The following GAREM1 variants were observed in gnomAD, a reference collection of about 807,000 sequenced individuals.
The protein encoded by GAREM1 is GRB2 associated regulator of MAPK1 subtype 1.
In GAREM1, 26 loss-of-function variants were observed where a neutral mutation model predicts 71.3. That is an observed-to-expected ratio of 0.36 (90% CI 0.27 to 0.51). GAREM1 has a LOEUF of 0.51. Among genes scored for constraint, GAREM1 ranks in the 20% least tolerant of loss-of-function variants. The probability of loss-of-function intolerance (pLI) is 0.95; values close to 1 mark genes in which losing one functional copy is unlikely to be tolerated. For missense variants in GAREM1, 1,026 were observed against 1,103.1 expected (o/e 0.93, Z 0.99); for synonymous variants, 440 against 433.2 (o/e 1.02, Z -0.20).
chr18:32,431,850 A>T (rs1328517000), intron 1 of GAREM1, among the ~76,000 whole-genome samples: 1 of 152,144 alleles, frequency 6.6e-6, no homozygotes, highest in Admixed American at 6.5e-5. Context: ...AATGGGATTC[A>T]ATTGACTGTT....
chr18:32,355,625 T>C (rs889968562), intron 2 of GAREM1, among the ~76,000 whole-genome samples: 1 of 152,194 alleles, frequency 6.6e-6, no homozygotes, highest in Non-Finnish European at 1.5e-5. Context: ...AAATTACCAA[T>C]TTCAGTCTGC....
At chr18:32,269,536 A>C (rs993449847) in intron 5 of GAREM1, among the ~76,000 whole-genome samples, 2 of 152,238 alleles carry the variant, frequency 1.3e-5, no homozygotes, top group Admixed American at 6.5e-5. Flanking sequence ...GAAGACTTCT[A>C]TCATAGCTGA....
Position 32,446,223 on chromosome 18 carries a change from A to AGTGTGT in GAREM1, c.121+24079_121+24084dup, listed in dbSNP as rs10587223. Among the ~76,000 whole-genome samples the AGTGTGT allele has an allele frequency of 4.6e-3, 657 of 143,420 alleles. 5 individuals carry two copies. Among genetic ancestry groups the AGTGTGT allele is most frequent in the African/African-American group, 0.014 (542 of 38,600 alleles). 94.1% of individuals were successfully genotyped at this position (143,420 alleles called of 152,430 possible). On this transcript the variant is annotated intron_variant, in intron 1 of 5. Coordinates refer to ENST00000269209, the MANE Select transcript of GAREM1 (RefSeq NM_001242409.2). ...ATTTCTCAGACTGTAAGTTCCCCAT[A>AGTGTGT]GTGTGTGTGTGTGTGTGTGTGTGTG...
intron 1 of GAREM1, among the ~76,000 whole-genome samples, chr18:32,450,609 A>G (rs1228641739): frequency 1.3e-5 from 2 of 152,212 alleles, no homozygotes; most frequent in Admixed American, 1.3e-4. Context: ...TCAAGATGCA[A>G]GCCCAGATTT....
At chr18:32,391,521 T>C (rs889857003) in intron 2 of GAREM1, among the ~76,000 whole-genome samples, 1 of 152,154 alleles carries the variant, frequency 6.6e-6, no homozygotes, top group South Asian at 2.1e-4. Context: ...GGTAAAAGTA[T>C]ATAGGATGAA....
chr18:32,416,858 A>G (rs2048471030), intron 1 of GAREM1, among the ~76,000 whole-genome samples: 1 of 152,160 alleles, frequency 6.6e-6, no homozygotes, highest in Non-Finnish European at 1.5e-5. Flanking sequence ...CCAAAGCAAA[A>G]ATGGACAAAT....
chr18:32,339,796 G>A (rs1293319195), intron 2 of GAREM1, among the ~76,000 whole-genome samples: 2 of 152,220 alleles, frequency 1.3e-5, no homozygotes, highest in African/African-American at 4.8e-5. Flanking sequence ...GAACGCGGAA[G>A]TCATCTTTAT....
At chr18:32,429,391 G>A (rs913097250) in intron 1 of GAREM1, among the ~76,000 whole-genome samples, 1 of 152,160 alleles carries the variant, frequency 6.6e-6, no homozygotes, top group African/African-American at 2.4e-5. Context: ...AATAGAAATA[G>A]TTCAAAGAAC....
chr18:32,441,018 A>G (rs1222551366), intron 1 of GAREM1, among the ~76,000 whole-genome samples: 2 of 152,218 alleles, frequency 1.3e-5, no homozygotes, highest in Non-Finnish European at 2.9e-5. Context: ...TCTTAGCTGT[A>G]TATTTAAAAA....
chr18:32,459,152 A>AT (rs1202080541), intron 1 of GAREM1, among the ~76,000 whole-genome samples: 3 of 152,142 alleles, frequency 2.0e-5, no homozygotes, highest in Non-Finnish European at 1.5e-5. Flanking sequence ...TTTATATACA[A>AT]TTTGGTCATT....
At chr18:32,415,917 A>AG (rs976013330) in intron 1 of GAREM1, among the ~76,000 whole-genome samples, 10 of 152,290 alleles carry the variant, frequency 6.6e-5, no homozygotes, top group Middle Eastern at 3.4e-3. Flanking sequence ...CAAATTGGAA[A>AG]GGAAAAAGTC....
At chr18:32,269,666 T>C (rs1275050354) in intron 5 of GAREM1, among the ~76,000 whole-genome samples, 1 of 151,322 alleles carries the variant, frequency 6.6e-6, no homozygotes, top group Non-Finnish European at 1.5e-5. Context: ...ATAAAGGGTG[T>C]TTTTTTTTAA....
chr18:32,368,831 A>C (rs544517893), intron 2 of GAREM1, among the ~76,000 whole-genome samples: 1 of 152,320 alleles, frequency 6.6e-6, no homozygotes, highest in Admixed American at 6.5e-5. Context: ...TGAGAAACTT[A>C]GTTTCCTGGT....
Position 32,266,905 on chromosome 18 carries a change from C to T in GAREM1, c.*966G>A, listed in dbSNP as rs565362935. Reference sequence around the variant, plus strand: ...GGAGTATTACATGCAAAAACCAGCCCTGCGGTGAGTGGGCTTAAACTCAAA... The same window carrying T: ...GGAGTATTACATGCAAAAACCAGCCTTGCGGTGAGTGGGCTTAAACTCAAA... On this transcript the variant is annotated 3_prime_UTR_variant, in exon 6 of 6. Coordinates refer to ENST00000269209, the MANE Select transcript of GAREM1 (RefSeq NM_001242409.2). 1.4e-4 allele frequency: 21 copies of T among 152,296 alleles called. No homozygotes were observed. Among genetic ancestry groups the T allele is most frequent in the African/African-American group, 4.8e-4 (20 of 41,562 alleles). 9.4% of individuals were successfully genotyped at this position (152,296 alleles called of 1,614,324 possible).
chr18:32,269,281 G>C (rs1217597646), intron 5 of GAREM1, among the ~76,000 whole-genome samples: 1 of 152,192 alleles, frequency 6.6e-6, no homozygotes, highest in Non-Finnish European at 1.5e-5. Context: ...CCTTGTCTTA[G>C]TTTCTGAACA....
chr18:32,364,025 TA>T (rs1567980815), intron 2 of GAREM1, among the ~76,000 whole-genome samples: 34 of 73,456 alleles, frequency 4.6e-4, no homozygotes, highest in African/African-American at 2.7e-3. Context: ...TATATATATA[TA>T]TGTTTTTTTT....
intron 1 of GAREM1, among the ~76,000 whole-genome samples, chr18:32,413,703 A>C (rs1227558014): frequency 1.3e-5 from 2 of 152,162 alleles, no homozygotes; most frequent in Admixed American, 1.3e-4. Flanking sequence ...AGTAGGGTGC[A>C]ACTTCTTAAA....
intron 2 of GAREM1, among the ~76,000 whole-genome samples, chr18:32,369,139 G>C (rs1187636496): frequency 6.6e-6 from 1 of 152,184 alleles, no homozygotes; most frequent in Non-Finnish European, 1.5e-5. Context: ...GACATCCTGA[G>C]AGTGAGTGAG....
At chr18:32,449,659 T>C (rs931358945) in intron 1 of GAREM1, among the ~76,000 whole-genome samples, 4 of 152,150 alleles carry the variant, frequency 2.6e-5, no homozygotes, top group African/African-American at 9.7e-5. Context: ...AGTGAGACTG[T>C]CTCAAAAAAA....
Sources: allele counts gnomAD v4.1 joint callset (sites outside exome capture counted in the v4.1 genomes callset), GRCh38; gene constraint gnomAD v4.1.1; transcripts MANE v1.5; gene names NCBI Gene and HGNC (gene_info 2026-07-23, HGNC 2026-07-21).